Variants in MYLK4 observed in about 807,000 individuals in gnomAD.
MYLK4 encodes the protein myosin light chain kinase family member 4.
MYLK4 carries 46 observed loss-of-function variants against 48.1 expected under a neutral mutation model. The observed-to-expected ratio is 0.96, with a 90% confidence interval of 0.75 to 1.22. The LOEUF (loss-of-function observed/expected upper bound fraction) is 1.22, where lower values mean the gene tolerates loss of function less well. MYLK4 is among the 50% of genes most tolerant of loss of function. MYLK4 has a pLI of 0.00. For missense variants in MYLK4, 451 were observed against 486.1 expected (o/e 0.93, Z 0.68); for synonymous variants, 170 against 180.8 (o/e 0.94, Z 0.48).
At chr6:2,713,381 A>C (rs1762749638) in intron 2 of MYLK4, among the ~76,000 whole-genome samples, 1 of 44,284 alleles carries the variant, frequency 2.3e-5, no homozygotes, top group Non-Finnish European at 5.0e-5. Flanking sequence ...TCTCAAAAAA[A>C]AAAAAAGAAA....
intron 7 of MYLK4, among the ~76,000 whole-genome samples, chr6:2,681,570 G>A (rs1287045038): frequency 1.3e-5 from 2 of 152,118 alleles, no homozygotes; most frequent in African/African-American, 2.4e-5. Context: ...TTTTTATGAC[G>A]ATAAAATTAA....
At chr6:2,757,648 T>C in the MYLK4 span, among the ~76,000 whole-genome samples, 2 of 151,020 alleles carry the variant, frequency 1.3e-5, no homozygotes, top group African/African-American at 4.9e-5. Flanking sequence ...GTCAATTTCA[T>C]AGTTAGGGAA....
intron 2 of MYLK4, among the ~76,000 whole-genome samples, chr6:2,731,954 T>A (rs1398653309): frequency 6.6e-6 from 1 of 152,230 alleles, no homozygotes; most frequent in African/African-American, 2.4e-5. Flanking sequence ...GCAGTCAGTC[T>A]GACCATCTCC....
the MYLK4 span, among the ~76,000 whole-genome samples, chr6:2,769,779 C>A: frequency 6.6e-6 from 1 of 152,142 alleles, no homozygotes; most frequent in Non-Finnish European, 1.5e-5. Context: ...ATAGCTGTTA[C>A]ATATAAGCTA....
chr6:2,769,632 A>G, the MYLK4 span, among the ~76,000 whole-genome samples: 8 of 152,154 alleles, frequency 5.3e-5, no homozygotes, highest in African/African-American at 1.9e-4. Context: ...TAGGTTTCAT[A>G]TTGGACCACT....
intron 2 of MYLK4, among the ~76,000 whole-genome samples, chr6:2,699,457 A>ATTT (rs11398275): frequency 4.3e-4 from 60 of 138,144 alleles, no homozygotes; most frequent in African/African-American, 8.4e-4. Flanking sequence ...CACCTGGCTA[A>ATTT]TTTTTTTTTT....
chr6:2,768,777 T>C, the MYLK4 span: 1 of 1,613,912 alleles, frequency 6.2e-7, no homozygotes, highest in Non-Finnish European at 8.5e-7. Context: ...CCAAGACAAA[T>C]GATGTGCGAG....
chr6:2,726,483 A>G (rs1763278618), intron 2 of MYLK4, among the ~76,000 whole-genome samples: 3 of 152,194 alleles, frequency 2.0e-5, no homozygotes, highest in African/African-American at 7.2e-5. Context: ...TCCAACTTAG[A>G]GGAGACAAAA....
chr6:2,761,578 C>T, the MYLK4 span, among the ~76,000 whole-genome samples: 53 of 152,338 alleles, frequency 3.5e-4, no homozygotes, highest in Admixed American at 1.1e-3. Flanking sequence ...TAAATACTTT[C>T]ACATTGACAA....
rs1761859844 is a variant in MYLK4, at chr6:2,692,792, G to A, written c.227C>T (p.Ala76Val). ...TTTTCTAAAGATGTTACCTGCGAGGGCTGATGTCCTTTTGCTTTTGACGGG... is the reference window on the plus strand; with the variant it reads ...TTTTCTAAAGATGTTACCTGCGAGGACTGATGTCCTTTTGCTTTTGACGGG... ...RMPVKSKRTS[A>V]LAVDIPAPPA... Residue 76 changes from alanine (A) to valine (V), a missense_variant, in exon 3 of 13, where the codon GCC becomes GTC. Transcript: ENST00000274643. 6.2e-7 allele frequency: 1 copy of A among 1,613,546 alleles called. No individual in the cohort carries two copies. The highest frequency in any genetic ancestry group is 1.1e-5 in the South Asian group (1 of 90,952).
intron 2 of MYLK4, among the ~76,000 whole-genome samples, chr6:2,722,820 T>C (rs1017604802): frequency 2.0e-5 from 3 of 152,152 alleles, no homozygotes; most frequent in Non-Finnish European, 4.4e-5. Context: ...GGATAACGAA[T>C]ATAAAAATAC....
intron 2 of MYLK4, among the ~76,000 whole-genome samples, chr6:2,716,722 AT>A (rs1466108155): frequency 2.0e-5 from 3 of 152,320 alleles, no homozygotes; most frequent in African/African-American, 7.2e-5. Flanking sequence ...TGACTTGGCC[AT>A]TTCTTAGCCA....
chr6:2,717,968 GT>G (rs1762928354), intron 2 of MYLK4, among the ~76,000 whole-genome samples: 1 of 152,104 alleles, frequency 6.6e-6, no homozygotes, highest in Non-Finnish European at 1.5e-5. Flanking sequence ...ATCACCTGAG[GT>G]TGGGAGTTCG....
intron 2 of MYLK4, among the ~76,000 whole-genome samples, chr6:2,711,279 T>C (rs1217015359): frequency 1.3e-5 from 2 of 152,226 alleles, no homozygotes; most frequent in Admixed American, 6.5e-5. Context: ...CAGAAATTAA[T>C]CTAATCATGG....
the MYLK4 span, chr6:2,766,525 G>C: frequency 3.5e-5 from 49 of 1,419,638 alleles, no homozygotes; most frequent in South Asian, 5.1e-4. Flanking sequence ...CGGGTGTGCT[G>C]CCCTCGAAAG....
At chr6:2,702,151 TCAGGGAAGAGCATGCATAA>T (rs1762309275) in intron 2 of MYLK4, among the ~76,000 whole-genome samples, 1 of 152,072 alleles carries the variant, frequency 6.6e-6, no homozygotes, top group South Asian at 2.1e-4. Flanking sequence ...CCGCTGGAGC[TCAGGGAAGAGCATGCATAA>T]CTAGGTATCA....
chr6:2,765,430 C>G, the MYLK4 span: 35 of 575,740 alleles, frequency 6.1e-5, no homozygotes, highest in South Asian at 1.6e-3. Context: ...CTGCCAGCGG[C>G]CGGCCGAGGG....
At chr6:2,717,418 G>A (rs1409914743) in intron 2 of MYLK4, among the ~76,000 whole-genome samples, 1 of 152,160 alleles carries the variant, frequency 6.6e-6, no homozygotes, top group African/African-American at 2.4e-5. Flanking sequence ...CACACCTCTC[G>A]AAATCCAATT....
At chr6:2,678,827 C>T (rs1206259183) in intron 9 of MYLK4, among the ~76,000 whole-genome samples, 1 of 151,810 alleles carries the variant, frequency 6.6e-6, no homozygotes, top group Non-Finnish European at 1.5e-5. Flanking sequence ...CTGCAGCCTC[C>T]CGAGTAGCTG....
Sources: allele counts gnomAD v4.1 joint callset (sites outside exome capture counted in the v4.1 genomes callset), GRCh38; gene constraint gnomAD v4.1.1; transcripts MANE v1.5; gene names NCBI Gene and HGNC (gene_info 2026-07-23, HGNC 2026-07-21).